The following SHISA9 variants were observed in gnomAD, a reference collection of about 807,000 sequenced individuals.
The protein encoded by SHISA9 is protein shisa-9.
In SHISA9, 13 loss-of-function variants were observed where a neutral mutation model predicts 38.0. The ratio of observed to expected loss-of-function variants is 0.34; its 90% CI spans 0.22 to 0.54. The LOEUF is 0.54. Ranked by LOEUF, SHISA9 falls within the 20% of genes least tolerant of loss-of-function variation. SHISA9 has a pLI of 0.91. For missense variants in SHISA9, 538 were observed against 575.8 expected (o/e 0.93, Z 0.67); for synonymous variants, 275 against 242.0 (o/e 1.14, Z -1.27).
intron 2 of SHISA9, among the ~76,000 whole-genome samples, chr16:13,111,595 C>A (rs1281763614): frequency 6.6e-6 from 1 of 152,150 alleles, no homozygotes; most frequent in African/African-American, 2.4e-5. Flanking sequence ...CCAGAGTAAA[C>A]ATTAACTATC....
intron 1 of SHISA9, among the ~76,000 whole-genome samples, chr16:12,915,501 C>T (rs538383368): frequency 6.6e-6 from 1 of 152,240 alleles, no homozygotes; most frequent in African/African-American, 2.4e-5. Context: ...GAGTTGGTGA[C>T]CATCTAGATG....
chr16:13,033,957 C>G (rs1425825367), intron 2 of SHISA9, among the ~76,000 whole-genome samples: 1 of 152,166 alleles, frequency 6.6e-6, no homozygotes, highest in African/African-American at 2.4e-5. Flanking sequence ...ACCAGCCTAA[C>G]TAACATGGCA....
the SHISA9 span, among the ~76,000 whole-genome samples, chr16:13,456,728 G>A: frequency 3.3e-5 from 5 of 152,300 alleles, no homozygotes; most frequent in African/African-American, 7.2e-5. Context: ...AATGATCAGC[G>A]CCATGTTGTC....
chr16:13,338,121 T>A, the SHISA9 span, among the ~76,000 whole-genome samples: 2 of 152,258 alleles, frequency 1.3e-5, no homozygotes, highest in South Asian at 4.2e-4. Context: ...CCAGGGGCCT[T>A]CTTGTCAGTC....
the SHISA9 span, among the ~76,000 whole-genome samples, chr16:13,252,645 T>G: frequency 6.6e-6 from 1 of 152,190 alleles, no homozygotes; most frequent in African/African-American, 2.4e-5. Flanking sequence ...TGTCTTAACC[T>G]TCTCTATTAT....
chr16:13,091,646 C>A (rs770776439), intron 2 of SHISA9, among the ~76,000 whole-genome samples: 19 of 152,182 alleles, frequency 1.2e-4, no homozygotes, highest in Non-Finnish European at 2.4e-4. Context: ...GTTTTCAGCT[C>A]CATCAGGTTA....
chr16:13,286,483 G>A, the SHISA9 span, among the ~76,000 whole-genome samples: 2 of 152,060 alleles, frequency 1.3e-5, no homozygotes, highest in South Asian at 2.1e-4. Flanking sequence ...TCAAGAGCCC[G>A]CATAAAACAG....
At chr16:13,266,713 T>C in the SHISA9 span, among the ~76,000 whole-genome samples, 2 of 151,962 alleles carry the variant, frequency 1.3e-5, no homozygotes, top group East Asian at 3.9e-4. Context: ...GGAGGAGAAA[T>C]TGAGTAGGTA....
chr16:13,499,818 T>C, the SHISA9 span, among the ~76,000 whole-genome samples: 1 of 152,150 alleles, frequency 6.6e-6, no homozygotes, highest in Non-Finnish European at 1.5e-5. Flanking sequence ...GGAGAATGAT[T>C]CTCAGACCTT....
chr16:13,321,420 A>C, the SHISA9 span, among the ~76,000 whole-genome samples: 353 of 152,308 alleles, frequency 2.3e-3, 5 homozygotes, highest in East Asian at 0.042. Flanking sequence ...AAATTCCCCT[A>C]AGAGCAAATA....
chr16:13,204,432 C>G (rs1203367345), intron 3 of SHISA9, among the ~76,000 whole-genome samples: 1 of 152,158 alleles, frequency 6.6e-6, no homozygotes, highest in Non-Finnish European at 1.5e-5. Flanking sequence ...TTTGGTCCCA[C>G]TGACACTTTA....
At chr16:13,534,841 T>A in the SHISA9 span, among the ~76,000 whole-genome samples, 21,672 of 152,154 alleles carry the variant, frequency 0.14, 1,860 homozygotes, top group East Asian at 0.34. Flanking sequence ...CCTCTTATCT[T>A]TGCCTTCTAA....
downstream of SHISA9, among the ~76,000 whole-genome samples, chr16:13,242,160 G>T (rs773537207): frequency 7.2e-5 from 11 of 152,206 alleles, no homozygotes; most frequent in African/African-American, 2.7e-4. Flanking sequence ...TTTGAGTAAT[G>T]CTCCTAAAGC....
At chr16:13,492,255 C>G in the SHISA9 span, among the ~76,000 whole-genome samples, 1 of 152,238 alleles carries the variant, frequency 6.6e-6, no homozygotes, top group Middle Eastern at 3.4e-3. Context: ...GGAAAATGTG[C>G]TGGAGCCTCT....
downstream of SHISA9, among the ~76,000 whole-genome samples, chr16:13,244,707 G>A (rs1299814732): frequency 6.6e-6 from 1 of 152,136 alleles, no homozygotes; most frequent in Non-Finnish European, 1.5e-5. Flanking sequence ...GGGGTTTGTC[G>A]ACCTCTAACG....
At chr16:13,289,361 G>C in the SHISA9 span, among the ~76,000 whole-genome samples, 2 of 150,950 alleles carry the variant, frequency 1.3e-5, no homozygotes, top group South Asian at 2.1e-4. Context: ...AGTTTTGGTT[G>C]GTGGGGGGGC....
intron 2 of SHISA9, among the ~76,000 whole-genome samples, chr16:13,158,282 C>T (rs1198985798): frequency 1.3e-5 from 2 of 152,304 alleles, no homozygotes; most frequent in Admixed American, 6.5e-5. Flanking sequence ...GTCTTCCTTG[C>T]AATGGAATTA....
At chr16:12,970,867 G>A (rs2072072379) in intron 2 of SHISA9, among the ~76,000 whole-genome samples, 1 of 152,050 alleles carries the variant, frequency 6.6e-6, no homozygotes, top group African/African-American at 2.4e-5. Context: ...GTAAGCCCAT[G>A]AGGCAGGGAT....
the SHISA9 span, among the ~76,000 whole-genome samples, chr16:13,417,848 C>T: frequency 6.6e-6 from 1 of 152,220 alleles, no homozygotes; most frequent in South Asian, 2.1e-4. Context: ...ACCCTATCAA[C>T]ATGCTCGAAT....
Sources: allele counts gnomAD v4.1 joint callset (sites outside exome capture counted in the v4.1 genomes callset), GRCh38; gene constraint gnomAD v4.1.1; transcripts MANE v1.5; gene names NCBI Gene and HGNC (gene_info 2026-07-23, HGNC 2026-07-21).